Variants in ARHGEF15 observed in about 807,000 individuals in gnomAD.
ARHGEF15 encodes the protein Rho guanine nucleotide exchange factor (GEF) 15.
ARHGEF15 carries 58 observed loss-of-function variants against 79.7 expected under a neutral mutation model. The ratio of observed to expected loss-of-function variants is 0.73; its 90% CI spans 0.59 to 0.91. The LOEUF (loss-of-function observed/expected upper bound fraction) is 0.91, where lower values mean the gene tolerates loss of function less well. Among genes scored for constraint, ARHGEF15 ranks in the 40% least tolerant of loss-of-function variants. The pLI, the probability that ARHGEF15 is intolerant of heterozygous loss-of-function variation, is 0.00. For synonymous variants in ARHGEF15, 442 were observed against 456.0 expected, an observed-to-expected ratio of 0.97 and a Z score of 0.39; for missense variants, 1,012 against 1,108.1, an observed-to-expected ratio of 0.91 and a Z score of 1.23.
chr17:8,319,196 A>G (rs1426175920), intron 13 of ARHGEF15, 37 bp downstream of exon 13: 1 of 1,610,440 alleles, frequency 6.2e-7, no homozygotes, highest in Non-Finnish European at 8.5e-7. Flanking sequence ...ACCTTGGGAC[A>G]CTTATCTGAC....
rs9890841 is a variant in ARHGEF15 at position 8,312,256 on chromosome 17, C to T, written c.217C>T (p.Pro73Ser). ...WEPPAASLKP[P>S]ALLPPSASRA... ...GCCCCCAGCTGCATCCCTCAAGCCCCCTGCTCTTTTGCCCCCCTCAGCTTC... is the reference window on the plus strand; with the variant it reads ...GCCCCCAGCTGCATCCCTCAAGCCCTCTGCTCTTTTGCCCCCCTCAGCTTC... Residue 73 changes from proline (P) to serine (S), a missense_variant, in exon 2 of 16, where the codon CCT (proline) becomes TCT (serine). Physicochemically the swap from Pro to Ser is moderately conservative, Grantham distance 74. This residue lies in a region of ARHGEF15 where 818 missense variants were observed against 882.5 expected (regional missense o/e 0.93). Coordinates refer to ENST00000361926, the MANE Select transcript of ARHGEF15 (RefSeq NM_173728.4). 2.9e-3 allele frequency: 4,204 copies of T among 1,454,904 alleles called. 102 individuals carry two copies. The African/African-American group carries it at 0.054, about 19-fold the overall frequency. 90.1% of individuals were successfully genotyped at this position (1,454,904 alleles called of 1,614,324 possible). A position where few individuals can be genotyped will look rare whatever the true frequency, so the allele number is the denominator to read the frequency against.
At position 8,312,630 on chromosome 17, in the gene ARHGEF15, C is replaced by T. The variant is rs367942685; in HGVS notation, c.591C>T (p.Asn197=). The change falls in exon 2 of 16, where the codon AAC becomes AAT. Residue 197 remains asparagine, a synonymous_variant. Coordinates refer to ENST00000361926, the MANE Select transcript of ARHGEF15 (RefSeq NM_173728.4). ...APLTGSGSQE[N]GAPDAGLACP... ...TCACCGGGAGTGGGTCCCAGGAGAA[C>T]GGTGCTCCAGGTGAGTGTGGCGGGT... 4.5e-5 allele frequency: 73 copies of T among 1,613,250 alleles called. No homozygotes were observed. The highest frequency in any genetic ancestry group is 9.9e-5 in the South Asian group (9 of 91,060).
At chr17:8,314,656 T>C (rs907155040) in intron 4 of ARHGEF15, among the ~76,000 whole-genome samples, 3 of 151,440 alleles carry the variant, frequency 2.0e-5, no homozygotes, top group Non-Finnish European at 4.4e-5. Flanking sequence ...ATCCTGACAC[T>C]TTGTGAGGCC....
At chr17:8,320,692 C>A in intron 15 of ARHGEF15, 150 bp from the exon 16 acceptor site, 1 of 688,420 alleles carries the variant, frequency 1.5e-6, no homozygotes, top group Non-Finnish European at 2.4e-6. Flanking sequence ...ACCTCCACTT[C>A]TGATGCCCTT....
intron 2 of ARHGEF15, 70 bp downstream of exon 2, chr17:8,312,710 A>G (rs2151635845): frequency 6.2e-7 from 1 of 1,607,268 alleles, no homozygotes; most frequent in East Asian, 2.2e-5. Context: ...AGTGCTAACA[A>G]CTTTCAGGGG....
At chr17:8,311,424 G>A (rs979496463) in intron 1 of ARHGEF15, among the ~76,000 whole-genome samples, 2 of 152,072 alleles carry the variant, frequency 1.3e-5, no homozygotes, top group African/African-American at 4.8e-5. Flanking sequence ...CATCTCCGGG[G>A]GTCAGAGGCT....
At position 8,319,354 on chromosome 17, in the gene ARHGEF15, C is replaced by A; in HGVS notation, c.2229C>A (p.Gly743=). ...GGCTGGGAGCCTTCCCAACCCCAGG[C>A]CCCCTTCCCTGCTCCCCAGACACCA... ...QRWLGAFPTP[G]PLPCSPDTIY... The change falls in exon 14 of 16, where the codon GGC becomes GGA. Residue 743 remains glycine (G), a synonymous_variant. Transcript: ENST00000361926. The A allele has an allele frequency of 6.2e-7, 1 of 1,614,034 alleles. No individual in the cohort carries two copies. Among genetic ancestry groups the A allele is most frequent in the Non-Finnish European group, 8.5e-7 (1 of 1,179,992 alleles).
rs1305786080 is a variant in ARHGEF15, at chr17:8,321,901, A to C, written c.*908A>C. ...CCTGGCAGAGGAGCCCAAGGGACTGAAGATGGCCAGTAGCTGGGTCCTGAG... is the reference window on the plus strand; with the variant it reads ...CCTGGCAGAGGAGCCCAAGGGACTGCAGATGGCCAGTAGCTGGGTCCTGAG... On this transcript the variant is annotated 3_prime_UTR_variant, in exon 16 of 16. Transcript: ENST00000361926. 6.6e-6 allele frequency: 1 copy of C among 152,620 alleles called. No individual in the cohort carries two copies. Among genetic ancestry groups the C allele is most frequent in the South Asian group, 2.1e-4 (1 of 4,834 alleles). 9.5% of individuals were successfully genotyped at this position (152,620 alleles called of 1,614,324 possible).
chr17:8,318,606 A>C lies in ARHGEF15; in HGVS notation c.1816A>C (p.Lys606Gln), dbSNP rs1344799059. Residue 606 changes from lysine to glutamine, a missense_variant, in exon 11 of 16, where the codon AAG becomes CAG. Physicochemically the swap from Lys to Gln is moderately conservative, Grantham distance 53 (BLOSUM62 1). Transcript: ENST00000361926. This position sits in a 1 kb window ranked among gnomAD's most constrained non-coding sequence, Gnocchi z 5.0. ...TTGCAGCGCTGAGGTGGGGCGCATG[A>C]AGCAGACTGAAGAGCTGATCCGGCT... ...ERCSAEVGRM[K>Q]QTEELIRLTQ... The C allele has an allele frequency of 6.2e-7, 1 of 1,613,850 alleles. No homozygotes were observed. Among genetic ancestry groups the C allele is most frequent in the East Asian group, 2.2e-5 (1 of 44,874 alleles).
chr17:8,313,564 C>T lies in ARHGEF15; in HGVS notation c.989+9C>T, dbSNP rs749663183. The T allele has an allele frequency of 6.2e-7, 1 of 1,612,100 alleles. No homozygotes were observed. Among genetic ancestry groups the T allele is most frequent in the South Asian group, 1.1e-5 (1 of 90,754 alleles). On this transcript the variant is annotated intron_variant, in intron 4 of 15. Coordinates refer to ENST00000361926, the MANE Select transcript of ARHGEF15 (RefSeq NM_173728.4). ...GCAACTGTGGAGGGGAGGTACTGAA[C>T]ACCCCCACCCCTACTCCCTGGTTCT...
chr17:8,319,459 G>T lies in ARHGEF15; in HGVS notation c.2270-40G>T, dbSNP rs76317718. ...AGTCTTAGAGGAATATGGGGGAGAA[G>T]CTAAACAGAATCACTTTAATGTCAC... is the stretch of plus-strand genomic sequence containing the variant. On this transcript the variant is annotated intron_variant, in intron 14 of 15. Coordinates refer to ENST00000361926, the MANE Select transcript of ARHGEF15 (RefSeq NM_173728.4). 40,857 of 1,592,092 alleles carry T rather than the reference G, an allele frequency of 0.026. 2,413 individuals carry two copies. The East Asian group carries it at 0.29, about 11-fold the overall frequency.
In ARHGEF15 at chr17:8,319,109, C is replaced by T; in HGVS notation, c.2136C>T (p.Leu712=). The T allele has an allele frequency of 6.2e-7, 1 of 1,614,056 alleles. No homozygotes were observed. The highest frequency in any genetic ancestry group is 2.2e-5 in the East Asian group (1 of 44,870). ...SGPPTFRLSL[L]SNHQGRPTHR... is the part of the protein sequence containing the mutation. ...CCCCTACCTTCCGCCTCTCCCTTCTCAGCAACCACCAGGGCCGCCCCACCC... is the reference window on the plus strand; with the variant it reads ...CCCCTACCTTCCGCCTCTCCCTTCTTAGCAACCACCAGGGCCGCCCCACCC... The change falls in exon 13 of 16, where the codon CTC becomes CTT. Residue 712 remains leucine (L), a synonymous_variant. Transcript: ENST00000361926.
Position 8,312,581 on chromosome 17 carries a change from T to C in ARHGEF15, c.542T>C (p.Val181Ala). 1 of 1,611,418 alleles carries C rather than the reference T, an allele frequency of 6.2e-7. No individual in the cohort carries two copies. Among genetic ancestry groups the C allele is most frequent in the Non-Finnish European group, 8.5e-7 (1 of 1,178,896 alleles). The change falls in exon 2 of 16, where the codon GTG (valine) becomes GCG (alanine). Residue 181 changes from valine to alanine, a missense_variant. Physicochemically the swap from Val to Ala is moderately conservative, Grantham distance 64. Around this residue, in one of 3 missense-constraint regions of ARHGEF15, gnomAD observed 818 missense variants for 882.5 expected, o/e 0.93. Transcript: ENST00000361926. ...CCAGGTCTCCAAGCGAGAGCAGATG[T>C]GAATGGGGAGAGAGAAGCTCCCCTC... Reference protein sequence around the residue: ...PEPGLQARADVNGEREAPLTG... With the variant: ...PEPGLQARADANGEREAPLTG...
rs1446223215 is a variant in ARHGEF15, at chr17:8,316,064, C to G, written c.1620C>G (p.Ser540Arg). ...CCGCCGAGCTGCGCCGGCTGCAGAGCCTCCCTAAGTGTGAGCGGCTCCCGC... is the reference window on the plus strand; with the variant it reads ...CCGCCGAGCTGCGCCGGCTGCAGAGGCTCCCTAAGTGTGAGCGGCTCCCGC... Reference protein sequence around the residue: ...RFSAELRRLQSLPKCERLPLP... With the variant: ...RFSAELRRLQRLPKCERLPLP... The change falls in exon 9 of 16, where the codon AGC becomes AGG. Residue 540 changes from serine to arginine, a missense_variant. Around this residue, in one of 3 missense-constraint regions of ARHGEF15, gnomAD observed 818 missense variants for 882.5 expected, o/e 0.93. Coordinates refer to ENST00000361926, the MANE Select transcript of ARHGEF15 (RefSeq NM_173728.4). 2 of 1,603,830 alleles carry G rather than the reference C, an allele frequency of 1.2e-6. No homozygotes were observed. Among genetic ancestry groups the G allele is most frequent in the Non-Finnish European group, 1.7e-6 (2 of 1,179,556 alleles).
chr17:8,314,388 ACAGCAGGGGAGATAAGGG>A (rs1431474752), intron 4 of ARHGEF15, among the ~76,000 whole-genome samples: 1 of 152,118 alleles, frequency 6.6e-6, no homozygotes, highest in Non-Finnish European at 1.5e-5. Flanking sequence ...GCTGATGACC[ACAGCAGGGGAGATAAGGG>A]GCTGCAGGTG....
At chr17:8,314,461 C>A (rs192291786) in intron 4 of ARHGEF15, among the ~76,000 whole-genome samples, 4 of 151,982 alleles carry the variant, frequency 2.6e-5, no homozygotes, top group African/African-American at 4.8e-5. Context: ...GTTGAGCTTC[C>A]TTGACACACA....
chr17:8,320,920 A>G lies in ARHGEF15; in HGVS notation c.2453A>G (p.His818Arg). 2 of 1,614,008 alleles carry G rather than the reference A, an allele frequency of 1.2e-6. No individual in the cohort carries two copies. Among genetic ancestry groups the G allele is most frequent in the South Asian group, 1.1e-5 (1 of 91,074 alleles). ...ACAGGGGAACACGAAAGGAGGAGGC[A>G]CCTTCGCCAGAACCAGAGGCTTCTC... is the stretch of plus-strand genomic sequence containing the variant. ...EVTGEHERRR[H>R]LRQNQRLLEA... The change falls in exon 16 of 16, where the codon CAC (histidine) becomes CGC (arginine). Residue 818 changes from histidine to arginine, a missense_variant. Around this residue, in one of 3 missense-constraint regions of ARHGEF15, gnomAD observed 132 missense variants for 124.2 expected, o/e 1.06. Transcript: ENST00000361926.
In ARHGEF15 at chr17:8,313,069, G is replaced by GCCCC; in HGVS notation, c.751_754dup (p.His252ProfsTer21). 3 of 1,573,198 alleles carry GCCCC rather than the reference G, an allele frequency of 1.9e-6. No homozygotes were observed. The highest frequency in any genetic ancestry group is 2.6e-6 in the Non-Finnish European group (3 of 1,158,194). ...TCCCCGCTGCGGACCTCTCGCTCCCGCCCCCACCCTCCAAGCATCGGTCAC... is the reference window on the plus strand; with the variant it reads ...TCCCCGCTGCGGACCTCTCGCTCCCGCCCCCCCCCACCCTCCAAGCATCGGTCAC... On this transcript the variant is annotated frameshift_variant, in exon 3 of 16. Coordinates refer to ENST00000361926, the MANE Select transcript of ARHGEF15 (RefSeq NM_173728.4). LOFTEE classifies it high-confidence loss of function.
rs138318077 is a variant in ARHGEF15, at chr17:8,313,502, G to A, written c.936G>A (p.Gly312=). The change falls in exon 4 of 16, where the codon GGG becomes GGA. Residue 312 remains glycine, a splice_region_variant and synonymous_variant. Coordinates refer to ENST00000361926, the MANE Select transcript of ARHGEF15 (RefSeq NM_173728.4). ...DLLSEDGIQT[G]DSPDEAPQNT... is the part of the protein sequence containing the mutation. ...CTTCACTCTGGCTTCTCTCTCCAGGGGACAGTCCTGATGAAGCTCCTCAGA... is the reference window on the plus strand; with the variant it reads ...CTTCACTCTGGCTTCTCTCTCCAGGAGACAGTCCTGATGAAGCTCCTCAGA... The A allele has an allele frequency of 3.1e-6, 5 of 1,613,186 alleles. No individual in the cohort carries two copies. In the Admixed American group the frequency reaches 8.3e-5, roughly 27 times the overall value.
Sources: gnomAD v4.1 joint callset for allele counts (sites outside exome capture counted in the v4.1 genomes callset) on GRCh38, gnomAD v4.1.1 for gene constraint, gnomAD v4.1.1 regional missense constraint, Gnocchi (gnomAD v3.1) non-coding constraint, MANE v1.5 for transcripts, NCBI Gene and HGNC (gene_info 2026-07-23, HGNC 2026-07-21) for gene names.